Variants in ADGRD1 observed in about 807,000 individuals in gnomAD.
The protein encoded by ADGRD1 is adhesion G protein-coupled receptor D1, also known as G-protein coupled receptor 133.
A neutral mutation model predicts 113.4 loss-of-function variants in ADGRD1; 77 were observed. That is an observed-to-expected ratio of 0.68 (90% CI 0.57 to 0.82). The LOEUF (loss-of-function observed/expected upper bound fraction) is 0.82, where lower values mean the gene tolerates loss of function less well. Among genes scored for constraint, ADGRD1 ranks in the 40% least tolerant of loss-of-function variants. The probability of loss-of-function intolerance (pLI) is 0.00; values close to 1 mark genes in which losing one functional copy is unlikely to be tolerated. For synonymous variants in ADGRD1, 474 were observed against 475.0 expected (o/e 1.00, Z 0.03); for missense variants, 1,036 against 1,139.1 (o/e 0.91, Z 1.30).
intron 17 of ADGRD1, among the ~76,000 whole-genome samples, 160 bp from the exon 18 acceptor site, chr12:131,108,564 C>A (rs777403980): frequency 1.3e-5 from 2 of 152,146 alleles, no homozygotes; most frequent in Admixed American, 1.3e-4. Flanking sequence ...GCGCTACACC[C>A]AAATCCCTGG....
chr12:131,075,177 A>G lies in ADGRD1; in HGVS notation c.1474-1624A>G. Among the ~76,000 whole-genome samples the G allele has an allele frequency of 6.6e-6, 1 of 152,108 alleles. No homozygotes were observed. The highest frequency in any genetic ancestry group is 1.9e-4 in the East Asian group (1 of 5,184). ...TTTAAATTACTCAGGTAACACACAA[A>G]TACGCCTCCTTGTTAAAAAATTACA... is the stretch of plus-strand genomic sequence containing the variant. On this transcript the variant is annotated intron_variant, in intron 13 of 24. Transcript: ENST00000261654. The surrounding 1 kb of genome is among the most constrained non-coding windows in gnomAD (Gnocchi z 5.3).
intron 4 of ADGRD1, among the ~76,000 whole-genome samples, chr12:130,976,492 C>T (rs777127171): frequency 8.5e-5 from 13 of 152,268 alleles, no homozygotes; most frequent in Middle Eastern, 3.4e-3. Flanking sequence ...GCCTGGGAAT[C>T]GGCATTTTTA....
intron 7 of ADGRD1, 35 bp downstream of exon 7, chr12:130,991,113 G>C: frequency 6.4e-7 from 1 of 1,574,432 alleles, no homozygotes; most frequent in Non-Finnish European, 8.7e-7. Flanking sequence ...CCCCCTTGCT[G>C]ATGTTCTTCT....
At chr12:131,104,300 G>C (rs1950175370) in intron 15 of ADGRD1, among the ~76,000 whole-genome samples, 1 of 152,142 alleles carries the variant, frequency 6.6e-6, no homozygotes, top group African/African-American at 2.4e-5. Flanking sequence ...CGTGGCCTCA[G>C]GCCGGGGCGG....
intron 13 of ADGRD1, among the ~76,000 whole-genome samples, chr12:131,054,045 A>G (rs942681627): frequency 6.6e-6 from 1 of 152,184 alleles, no homozygotes; most frequent in Non-Finnish European, 1.5e-5. Context: ...CCTCACCACA[A>G]GAACCCAAAC....
chr12:131,128,997 G>A (rs1301559472), intron 20 of ADGRD1, among the ~76,000 whole-genome samples: 17 of 108,224 alleles, frequency 1.6e-4, no homozygotes, highest in African/African-American at 4.2e-4. Context: ...TGGCAGCCCC[G>A]CCCTGCTGTC....
At chr12:131,036,977 T>G (rs1222151706) in intron 13 of ADGRD1, among the ~76,000 whole-genome samples, 1 of 133,008 alleles carries the variant, frequency 7.5e-6, no homozygotes, top group Non-Finnish European at 1.6e-5. Flanking sequence ...TCTTACTCAC[T>G]GCATGGAGCC....
At chr12:130,959,242 A>T (rs1870066672) in intron 2 of ADGRD1, among the ~76,000 whole-genome samples, 1 of 152,202 alleles carries the variant, frequency 6.6e-6, no homozygotes, top group Non-Finnish European at 1.5e-5. Flanking sequence ...TGATTCTGGC[A>T]CTCAGCACTG....
In ADGRD1 at chr12:130,979,814, G is replaced by GTC. The variant is rs67195141; in HGVS notation, c.311-2067_311-2066dup. ...GGCAGAATCCAGACAGGCAGCTAGTGTCTCACACACACACACACACACACA... is the reference window on the plus strand; with the variant it reads ...GGCAGAATCCAGACAGGCAGCTAGTGTCTCTCACACACACACACACACACACA... On this transcript the variant is annotated intron_variant, in intron 4 of 24. Coordinates refer to ENST00000261654, the MANE Select transcript of ADGRD1 (RefSeq NM_198827.5). Among the ~76,000 whole-genome samples, 177 of 36,106 alleles carry GTC rather than the reference G, an allele frequency of 4.9e-3. 1 individual carries two copies. Among genetic ancestry groups the GTC allele is most frequent in the African/African-American group, 8.3e-3 (164 of 19,768 alleles). 23.7% of individuals were successfully genotyped at this position (36,106 alleles called of 152,430 possible).
At chr12:131,067,777 A>G (rs1151352) in intron 13 of ADGRD1, among the ~76,000 whole-genome samples, 934 of 27,594 alleles carry the variant, frequency 0.034, 35 homozygotes, top group Non-Finnish European at 0.039. Context: ...GCTGCCCTCT[A>G]CCTTCTGTAT....
chr12:130,969,428 A>C, intron 3 of ADGRD1: 1 of 209,620 alleles, frequency 4.8e-6, no homozygotes. Context: ...CCCGAGCTCC[A>C]CCTCCTGTCA....
At chr12:131,053,689 C>T (rs1015980659) in intron 13 of ADGRD1, among the ~76,000 whole-genome samples, 2 of 152,158 alleles carry the variant, frequency 1.3e-5, no homozygotes, top group Admixed American at 6.5e-5. Context: ...AGTGGGAGGG[C>T]GGTAGTGTGC....
chr12:131,101,349 CTTTTATTT>C, intron 15 of ADGRD1, among the ~76,000 whole-genome samples: 1 of 105,828 alleles, frequency 9.4e-6, no homozygotes, highest in East Asian at 2.4e-4. Flanking sequence ...TCTTTTCTTT[CTTTTATTT>C]TTTTTCTTTT....
chr12:130,983,644 G>A (rs10744489), intron 5 of ADGRD1, among the ~76,000 whole-genome samples: 118,251 of 152,120 alleles, frequency 0.78, 47,935 homozygotes, highest in East Asian at 0.94. Flanking sequence ...CATTGAAGGC[G>A]TTTGTTATTC....
intron 6 of ADGRD1, chr12:130,987,886 A>G (rs1041469402): frequency 6.1e-6 from 1 of 164,376 alleles, no homozygotes; most frequent in Non-Finnish European, 1.4e-5. Context: ...TTAAAAATGA[A>G]CAAGTCAGTA....
chr12:131,048,923 A>T (rs963850337), intron 13 of ADGRD1, among the ~76,000 whole-genome samples: 1 of 152,010 alleles, frequency 6.6e-6, no homozygotes, highest in Admixed American at 6.6e-5. Flanking sequence ...GGGCAAGAGG[A>T]GGGGTCTGAG....
chr12:131,089,977 G>A (rs989358185), intron 15 of ADGRD1, among the ~76,000 whole-genome samples: 1 of 152,240 alleles, frequency 6.6e-6, no homozygotes, highest in Non-Finnish European at 1.5e-5. Context: ...GAGAGAGGGG[G>A]AGTTACACTT....
chr12:131,040,610 C>T (rs1882025872), intron 13 of ADGRD1, among the ~76,000 whole-genome samples: 1 of 152,260 alleles, frequency 6.6e-6, no homozygotes, highest in Admixed American at 6.5e-5. Flanking sequence ...CTGGGCCGGG[C>T]AGCTCAGAAA....
chr12:131,067,430 GC>G (rs1240029311), intron 13 of ADGRD1, among the ~76,000 whole-genome samples: 3 of 152,260 alleles, frequency 2.0e-5, no homozygotes, highest in Non-Finnish European at 4.4e-5. Context: ...GAGGAGGTGT[GC>G]CTGGCTCTGT....
Sources: allele counts gnomAD v4.1 joint callset (sites outside exome capture counted in the v4.1 genomes callset), GRCh38; gene constraint gnomAD v4.1.1; non-coding constraint Gnocchi (gnomAD v3.1); transcripts MANE v1.5; gene names NCBI Gene and HGNC (gene_info 2026-07-23, HGNC 2026-07-21).